The following MAGI2 variants were observed in gnomAD, a reference collection of about 807,000 sequenced individuals.
MAGI2 encodes the protein membrane-associated guanylate kinase, WW and PDZ domain-containing protein 2.
In MAGI2, 35 loss-of-function variants were observed where a neutral mutation model predicts 133.3. The ratio of observed to expected loss-of-function variants is 0.26; its 90% CI spans 0.20 to 0.35. The LOEUF (loss-of-function observed/expected upper bound fraction) is 0.35, where lower values mean the gene tolerates loss of function less well. Among genes scored for constraint, MAGI2 ranks in the 10% least tolerant of loss-of-function variants. The probability of loss-of-function intolerance (pLI) is 1.00; values close to 1 mark genes in which losing one functional copy is unlikely to be tolerated. For missense variants in MAGI2, 1,636 were observed against 1,863.4 expected (o/e 0.88, Z 2.25); for synonymous variants, 729 against 710.6 (o/e 1.03, Z -0.41).
At chr7:78,889,549 C>A (rs181626222) in intron 2 of MAGI2, among the ~76,000 whole-genome samples, 20 of 152,274 alleles carry the variant, frequency 1.3e-4, no homozygotes, top group African/African-American at 4.3e-4. Context: ...ACTCTACAAG[C>A]CAGAAGACAG....
At chr7:78,569,877 T>G (rs967596811) in intron 3 of MAGI2, among the ~76,000 whole-genome samples, 2 of 152,236 alleles carry the variant, frequency 1.3e-5, no homozygotes, top group Non-Finnish European at 2.9e-5. Flanking sequence ...TAAACTTTAA[T>G]AAACGGTATT....
At chr7:78,663,903 T>C (rs1321841023) in intron 2 of MAGI2, among the ~76,000 whole-genome samples, 1 of 152,240 alleles carries the variant, frequency 6.6e-6, no homozygotes, top group Non-Finnish European at 1.5e-5. Flanking sequence ...ATTCCTAATG[T>C]TTCCTTCAAA....
chr7:78,507,919 A>G (rs1186388709), intron 4 of MAGI2, among the ~76,000 whole-genome samples: 2 of 152,230 alleles, frequency 1.3e-5, no homozygotes, highest in Non-Finnish European at 2.9e-5. Context: ...AGTGGCTTCA[A>G]TCATAGATAT....
At chr7:78,709,902 C>T (rs1414951119) in intron 2 of MAGI2, among the ~76,000 whole-genome samples, 1 of 152,078 alleles carries the variant, frequency 6.6e-6, no homozygotes, top group Non-Finnish European at 1.5e-5. Flanking sequence ...CCCTGTACAG[C>T]ATGTTTCTCT....
At chr7:78,588,529 T>G (rs1410878847) in intron 3 of MAGI2, among the ~76,000 whole-genome samples, 1 of 152,152 alleles carries the variant, frequency 6.6e-6, no homozygotes, top group Non-Finnish European at 1.5e-5. Flanking sequence ...GGCTGCCAAG[T>G]CAGTCTCAAA....
At chr7:78,775,442 C>T (rs949561314) in intron 2 of MAGI2, among the ~76,000 whole-genome samples, 1 of 149,110 alleles carries the variant, frequency 6.7e-6, no homozygotes, top group South Asian at 2.1e-4. Flanking sequence ...TCTATACATA[C>T]CCAAGATTGT....
At chr7:78,905,036 G>C (rs1254577640) in intron 2 of MAGI2, among the ~76,000 whole-genome samples, 1 of 151,708 alleles carries the variant, frequency 6.6e-6, no homozygotes, top group African/African-American at 2.4e-5. Context: ...TTTCTTTTCT[G>C]TATGCTCTAC....
intron 2 of MAGI2, among the ~76,000 whole-genome samples, chr7:78,764,661 C>A (rs184321383): frequency 1.3e-5 from 2 of 152,260 alleles, no homozygotes; most frequent in East Asian, 3.9e-4. Flanking sequence ...TTCCTTTGTG[C>A]TCTAGTTTTA....
intron 1 of MAGI2, among the ~76,000 whole-genome samples, chr7:79,150,825 T>G (rs1823145775): frequency 6.6e-6 from 1 of 152,006 alleles, no homozygotes; most frequent in Non-Finnish European, 1.5e-5. Context: ...TAAACCCTAC[T>G]AGATAGTTAT....
chr7:78,533,933 G>A (rs558743276), intron 3 of MAGI2, among the ~76,000 whole-genome samples: 7 of 152,282 alleles, frequency 4.6e-5, no homozygotes, highest in African/African-American at 1.4e-4. Flanking sequence ...CAAGAACCAC[G>A]ATTGGGGTTG....
intron 20 of MAGI2, among the ~76,000 whole-genome samples, chr7:78,120,673 T>C (rs767330937): frequency 2.6e-4 from 39 of 151,994 alleles, no homozygotes; most frequent in Non-Finnish European, 5.6e-4. Flanking sequence ...CATTGCAGAT[T>C]GGTGGGGGGT....
intron 1 of MAGI2, among the ~76,000 whole-genome samples, chr7:79,141,995 T>G (rs1822182304): frequency 6.6e-6 from 1 of 152,228 alleles, no homozygotes; most frequent in African/African-American, 2.4e-5. Context: ...TGAACTGTCC[T>G]TCCAGGTTAT....
chr7:79,381,256 T>C (rs1482911196), intron 1 of MAGI2, among the ~76,000 whole-genome samples: 2 of 151,872 alleles, frequency 1.3e-5, no homozygotes, highest in Middle Eastern at 3.4e-3. Context: ...TTCTCCTTTA[T>C]AATCTTTCTT....
At chr7:78,229,743 T>A (rs556404554) in intron 10 of MAGI2, among the ~76,000 whole-genome samples, 2 of 152,300 alleles carry the variant, frequency 1.3e-5, no homozygotes, top group Admixed American at 1.3e-4. Flanking sequence ...GTCCTTGTGA[T>A]CTATCTTACA....
intron 9 of MAGI2, among the ~76,000 whole-genome samples, chr7:78,260,535 A>C (rs532305213): frequency 1.3e-5 from 2 of 152,274 alleles, no homozygotes; most frequent in South Asian, 4.1e-4. Context: ...TCCTTGTGAA[A>C]ATACTTATAA....
At chr7:79,402,602 T>C (rs1845545045) in intron 1 of MAGI2, among the ~76,000 whole-genome samples, 3 of 152,322 alleles carry the variant, frequency 2.0e-5, no homozygotes, top group Middle Eastern at 3.4e-3. Context: ...CGGTGTTTTT[T>C]AATAAACCTA....
intron 3 of MAGI2, among the ~76,000 whole-genome samples, chr7:78,610,963 A>G (rs1013976269): frequency 6.6e-6 from 1 of 152,242 alleles, no homozygotes; most frequent in African/African-American, 2.4e-5. Flanking sequence ...AAGCAATTTC[A>G]ACTTCTCCCC....
intron 21 of MAGI2, among the ~76,000 whole-genome samples, chr7:78,031,788 G>T (rs1809595037): frequency 2.0e-5 from 3 of 152,188 alleles, no homozygotes; most frequent in Non-Finnish European, 4.4e-5. Context: ...GCCAAAGATG[G>T]AAGAAGTGGA....
chr7:79,214,813 C>T (rs1333316842), intron 1 of MAGI2, among the ~76,000 whole-genome samples: 2 of 133,826 alleles, frequency 1.5e-5, no homozygotes, highest in East Asian at 4.3e-4. Context: ...TATATAAATA[C>T]ATTATATTTA....
Sources: gnomAD v4.1 joint callset for allele counts (sites outside exome capture counted in the v4.1 genomes callset) on GRCh38, gnomAD v4.1.1 for gene constraint, MANE v1.5 for transcripts, NCBI Gene and HGNC (gene_info 2026-07-23, HGNC 2026-07-21) for gene names.